The following CNOT2 variants were observed in gnomAD, a reference collection of about 807,000 sequenced individuals.
CNOT2 encodes the protein CC chemokine receptor 4-negative regulator of transcription 2.
A neutral mutation model predicts 72.1 loss-of-function variants in CNOT2; 7 were observed. That is an observed-to-expected ratio of 0.10 (90% CI 0.06 to 0.18). The LOEUF is 0.18. Among genes scored for constraint, CNOT2 ranks in the 10% least tolerant of loss-of-function variants. CNOT2 has a pLI of 1.00. For missense variants in CNOT2, 345 were observed against 660.3 expected, an observed-to-expected ratio of 0.52 and a Z score of 5.23; for synonymous variants, 196 against 225.6, an observed-to-expected ratio of 0.87 and a Z score of 1.17.
chr12:70,294,138 C>G, intron 2 of CNOT2: 1 of 1,289,196 alleles, frequency 7.8e-7, no homozygotes, highest in Non-Finnish European at 1.0e-6. Context: ...AGTTGAACTT[C>G]AGAGCTATGG....
intron 3 of CNOT2, among the ~76,000 whole-genome samples, chr12:70,311,961 A>G (rs896975693): frequency 4.6e-5 from 7 of 151,984 alleles, no homozygotes; most frequent in Non-Finnish European, 1.0e-4. Context: ...GAATTTTGCA[A>G]ATCAGCTTAA....
intron 1 of CNOT2, among the ~76,000 whole-genome samples, chr12:70,257,305 A>T (rs1958503646): frequency 6.6e-6 from 1 of 151,482 alleles, no homozygotes; most frequent in Admixed American, 6.6e-5. Flanking sequence ...CATTTAGCAC[A>T]TCCGATAGTA....
At chr12:70,291,675 C>T (rs546223897) in intron 2 of CNOT2, among the ~76,000 whole-genome samples, 9 of 152,304 alleles carry the variant, frequency 5.9e-5, no homozygotes, top group East Asian at 1.9e-4. Flanking sequence ...TGGTGGCTCA[C>T]GCCTCTAATC....
chr12:70,254,511 T>C, intron 1 of CNOT2, among the ~76,000 whole-genome samples: 1 of 152,198 alleles, frequency 6.6e-6, no homozygotes, highest in Non-Finnish European at 1.5e-5. Flanking sequence ...TTCCATGTAA[T>C]ATTTTTGTAC....
At chr12:70,285,886 C>T (rs555971293) in intron 2 of CNOT2, among the ~76,000 whole-genome samples, 1 of 152,080 alleles carries the variant, frequency 6.6e-6, no homozygotes, top group East Asian at 2.0e-4. Context: ...TTTTGTCAAC[C>T]TCATAAGGTG....
At chr12:70,353,158 C>T (rs1451733616) in intron 15 of CNOT2, among the ~76,000 whole-genome samples, 1 of 151,472 alleles carries the variant, frequency 6.6e-6, no homozygotes, top group Non-Finnish European at 1.5e-5. Flanking sequence ...CTGCAACCTC[C>T]ACCTGCCAGG....
At chr12:70,292,268 A>G (rs1013618084) in intron 2 of CNOT2, among the ~76,000 whole-genome samples, 6 of 152,198 alleles carry the variant, frequency 3.9e-5, no homozygotes, top group Non-Finnish European at 8.8e-5. Context: ...TAATGAGAAA[A>G]CATCTGACAA....
intron 2 of CNOT2, among the ~76,000 whole-genome samples, chr12:70,302,322 A>G (rs1214181672): frequency 2.6e-5 from 4 of 151,132 alleles, no homozygotes; most frequent in Non-Finnish European, 5.9e-5. Flanking sequence ...TGTCAATTTT[A>G]GATCTTTCCT....
At chr12:70,311,182 A>G (rs1385688879) in intron 3 of CNOT2, among the ~76,000 whole-genome samples, 165 bp downstream of exon 3, 1 of 152,024 alleles carries the variant, frequency 6.6e-6, no homozygotes, top group African/African-American at 2.4e-5. Context: ...TACAAAGACA[A>G]TGAATTTGTA....
At chr12:70,256,925 A>G (rs1456144039) in intron 1 of CNOT2, among the ~76,000 whole-genome samples, 1 of 152,236 alleles carries the variant, frequency 6.6e-6, no homozygotes, top group Non-Finnish European at 1.5e-5. Flanking sequence ...TATTGAAAAA[A>G]CAAAACTGAC....
At chr12:70,337,126 CAAATT>C in intron 8 of CNOT2, 1 of 232,834 alleles carries the variant, frequency 4.3e-6, no homozygotes, top group Middle Eastern at 1.5e-3. Context: ...AATCCAATAT[CAAATT>C]AAATTTTTAA....
chr12:70,313,190 T>C (rs1369906785), intron 3 of CNOT2, among the ~76,000 whole-genome samples: 1 of 152,036 alleles, frequency 6.6e-6, no homozygotes, highest in African/African-American at 2.4e-5. Context: ...ATTGGTCATT[T>C]GTATTTCTTC....
chr12:70,353,643 T>A (rs1407665767), intron 15 of CNOT2, among the ~76,000 whole-genome samples, 186 bp from the exon 16 acceptor site: 1 of 152,164 alleles, frequency 6.6e-6, no homozygotes, highest in Non-Finnish European at 1.5e-5. Context: ...TACTCATTGG[T>A]TAGAAACTAC....
intron 11 of CNOT2, among the ~76,000 whole-genome samples, chr12:70,340,707 G>A (rs779703905): frequency 3.2e-4 from 48 of 151,992 alleles, no homozygotes; most frequent in Admixed American, 5.9e-4. Context: ...ACCCTTGTTT[G>A]AATCATTCTC....
At chr12:70,305,358 T>C (rs1366733430) in intron 2 of CNOT2, among the ~76,000 whole-genome samples, 2 of 152,146 alleles carry the variant, frequency 1.3e-5, no homozygotes, top group Non-Finnish European at 2.9e-5. Context: ...GCACAGGAAA[T>C]ACCCGCCTTC....
At chr12:70,243,863 G>A (rs894199311) in intron 1 of CNOT2, 24 of 152,184 alleles carry the variant, frequency 1.6e-4, no homozygotes, top group African/African-American at 4.6e-4. Flanking sequence ...CAGCGCGGAG[G>A]AGCCGCTGCC....
intron 1 of CNOT2, among the ~76,000 whole-genome samples, chr12:70,246,756 T>C (rs1957893493): frequency 6.6e-6 from 1 of 152,228 alleles, no homozygotes; most frequent in Non-Finnish European, 1.5e-5. Flanking sequence ...ATTTCTATTT[T>C]AGAATTCAAC....
intron 2 of CNOT2, among the ~76,000 whole-genome samples, chr12:70,295,570 A>T (rs1441273294): frequency 6.6e-6 from 1 of 152,140 alleles, no homozygotes; most frequent in East Asian, 1.9e-4. Context: ...TTTTATTCTA[A>T]ATGTAGAGAT....
intron 2 of CNOT2, among the ~76,000 whole-genome samples, chr12:70,294,462 A>C (rs1033184711): frequency 3.3e-5 from 5 of 152,230 alleles, no homozygotes; most frequent in Non-Finnish European, 7.3e-5. Flanking sequence ...AAAATAGTGA[A>C]GAAATAATTT....
Sources: allele counts gnomAD v4.1 joint callset (sites outside exome capture counted in the v4.1 genomes callset), GRCh38; gene constraint gnomAD v4.1.1; transcripts MANE v1.5; gene names NCBI Gene and HGNC (gene_info 2026-07-23, HGNC 2026-07-21).